Variants in CFTR observed in about 807,000 individuals in gnomAD.
CFTR encodes the protein cystic fibrosis transmembrane conductance regulator.
Under a neutral mutation model 171.6 loss-of-function variants are expected in CFTR, and 181 were observed. The ratio of observed to expected loss-of-function variants is 1.05; its 90% CI spans 0.93 to 1.19. The LOEUF is 1.19. CFTR is among the 50% of genes most tolerant of loss of function. CFTR has a pLI of 0.00. For synonymous variants in CFTR, 583 were observed against 608.0 expected (o/e 0.96, Z 0.60); for missense variants, 1,968 against 1,734.7 (o/e 1.13, Z -2.39).
intron 15 of CFTR, among the ~76,000 whole-genome samples, chr7:117,598,690 A>G (rs1418235055): frequency 6.6e-6 from 1 of 152,214 alleles, no homozygotes; most frequent in African/African-American, 2.4e-5. Flanking sequence ...AACCAAATGG[A>G]GGCTTGATGC....
intron 2 of CFTR, among the ~76,000 whole-genome samples, chr7:117,507,823 G>A (rs1294952129): frequency 1.3e-5 from 2 of 152,128 alleles, no homozygotes; most frequent in Non-Finnish European, 2.9e-5. Flanking sequence ...ACAGAGTCTC[G>A]CTGTGTCACC....
At chr7:117,565,185 T>C (rs1159587041) in intron 11 of CFTR, among the ~76,000 whole-genome samples, 2 of 152,230 alleles carry the variant, frequency 1.3e-5, no homozygotes, top group Non-Finnish European at 2.9e-5. Context: ...ATCTCCTAAA[T>C]ATTTGTAGCT....
At chr7:117,501,747 C>CAAAAAAAAAAAAAAAAAAAAAAAAGAAAA (rs1798331213) in intron 1 of CFTR, among the ~76,000 whole-genome samples, 1 of 43,900 alleles carries the variant, frequency 2.3e-5, no homozygotes, top group Non-Finnish European at 4.8e-5. Flanking sequence ...AACTCTGTCT[C>CAAAAAAAAAAAAAAAAAAAAAAAAGAAAA]AAAAAAAAAA....
chr7:117,642,429 A>T lies in CFTR; in HGVS notation c.3718-9A>T, dbSNP rs754017400. On this transcript the variant is annotated splice_polypyrimidine_tract_variant and intron_variant, in intron 22 of 26. Transcript: ENST00000003084. ...TCACAGAAGTGATCCCATCACTTTT[A>T]CCTTATAGGTGGGCCTCTTGGGAAG... 3 of 1,612,722 alleles carry T rather than the reference A, an allele frequency of 1.9e-6. No homozygotes were observed. The Admixed American group carries it at 5.0e-5, about 27-fold the overall frequency.
Position 117,540,268 on chromosome 7 carries a change from G to C in CFTR, c.1038G>C (p.Leu346=). Residue 346 remains leucine (L), a synonymous_variant, in exon 8 of 27, where the codon CTG becomes CTC. Transcript: ENST00000003084. ...IFTTISFCIV[L]RMAVTRQFPW... is the part of the protein sequence containing the mutation. ...CCACCATCTCATTCTGCATTGTTCTGCGCATGGCGGTCACTCGGCAATTTC... is the reference window on the plus strand; with the variant it reads ...CCACCATCTCATTCTGCATTGTTCTCCGCATGGCGGTCACTCGGCAATTTC... 6.2e-7 allele frequency: 1 copy of C among 1,614,010 alleles called. No homozygotes were observed. The highest frequency in any genetic ancestry group is 8.5e-7 in the Non-Finnish European group (1 of 1,179,928).
At chr7:117,539,591 T>C (rs561929433) in intron 7 of CFTR, among the ~76,000 whole-genome samples, 25 of 152,232 alleles carry the variant, frequency 1.6e-4, no homozygotes, top group African/African-American at 6.0e-4. Context: ...ATTTTCAATG[T>C]TCCTCAAAGC....
chr7:117,553,769 G>A (rs1212685690), intron 10 of CFTR, among the ~76,000 whole-genome samples: 1 of 152,122 alleles, frequency 6.6e-6, no homozygotes, highest in Non-Finnish European at 1.5e-5. Context: ...ACAAAGGATT[G>A]AATAGATATC....
chr7:117,612,023 GTATATATATATATATATATATATA>G (rs772661286), intron 20 of CFTR, among the ~76,000 whole-genome samples: 2 of 53,228 alleles, frequency 3.8e-5, no homozygotes, highest in South Asian at 5.9e-4. Flanking sequence ...ATATATATAT[GTATATATATATATATATATATATA>G]TATATACATA....
chr7:117,532,844 G>C (rs767534986), intron 4 of CFTR, among the ~76,000 whole-genome samples: 1 of 152,050 alleles, frequency 6.6e-6, no homozygotes, highest in African/African-American at 2.4e-5. Context: ...TCCCATCTCC[G>C]TGTGGCTTTG....
At chr7:117,599,879 T>C (rs1378744221) in intron 15 of CFTR, among the ~76,000 whole-genome samples, 1 of 152,106 alleles carries the variant, frequency 6.6e-6, no homozygotes, top group African/African-American at 2.4e-5. Flanking sequence ...TGTCACATTC[T>C]GGTACAACTG....
intron 11 of CFTR, 63 bp from the exon 12 acceptor site, chr7:117,587,676 G>T (rs558743244): frequency 2.1e-6 from 2 of 934,562 alleles, no homozygotes; most frequent in African/African-American, 3.2e-5. Context: ...AGGAAGATGT[G>T]CCTTTCAAAT....
In CFTR at chr7:117,535,342, G is replaced by A. The variant is rs866473559; in HGVS notation, c.674G>A (p.Cys225Tyr). ...IWELLQASAFCGLGFLIVLAL... is the reference protein window; with the variant it reads ...IWELLQASAFYGLGFLIVLAL... ...GAGTTGTTACAGGCGTCTGCCTTCT[G>A]TGGACTTGGTTTCCTGATAGTCCTT... The change falls in exon 6 of 27, where the codon TGT becomes TAT. Residue 225 changes from cysteine to tyrosine, a missense_variant. Transcript: ENST00000003084. 2.5e-6 allele frequency: 4 copies of A among 1,614,014 alleles called. No homozygotes were observed. Among genetic ancestry groups the A allele is most frequent in the Middle Eastern group, 1.6e-4 (1 of 6,084 alleles).
At chr7:117,658,462 T>TG (rs1287973387) in intron 24 of CFTR, among the ~76,000 whole-genome samples, 1 of 152,316 alleles carries the variant, frequency 6.6e-6, no homozygotes, top group East Asian at 1.9e-4. Context: ...TTAGTTTCCC[T>TG]GGGAAATTTC....
In CFTR at chr7:117,536,626, A is replaced by G. The variant is rs2116678695; in HGVS notation, c.822A>G (p.Ala274=). 1.2e-6 allele frequency: 2 copies of G among 1,611,838 alleles called. No individual in the cohort carries two copies. The highest frequency in any genetic ancestry group is 1.1e-5 in the South Asian group (1 of 90,966). ...EMIENIQSVK[A]YCWEEAMEKM... is the part of the protein sequence containing the mutation. The stretch of plus-strand genomic sequence containing the variant: ...TTGAAAATATCCAATCTGTTAAGGC[A>G]TACTGCTGGGAAGAAGCAATGGAAA... The change falls in exon 7 of 27, where the codon GCA becomes GCG. Residue 274 remains alanine, a synonymous_variant. Transcript: ENST00000003084.
At chr7:117,492,795 G>T (rs566311085) in intron 1 of CFTR, among the ~76,000 whole-genome samples, 2 of 152,090 alleles carry the variant, frequency 1.3e-5, no homozygotes, top group South Asian at 4.1e-4. Context: ...ATAGAATAGA[G>T]CACACCATGG....
intron 15 of CFTR, among the ~76,000 whole-genome samples, chr7:117,596,661 T>G (rs892753600): frequency 1.1e-4 from 17 of 152,358 alleles, no homozygotes; most frequent in Middle Eastern, 6.8e-3. Flanking sequence ...GCTCAAGGTT[T>G]GTAAACACAC....
intron 4 of CFTR, 48 bp downstream of exon 4, chr7:117,531,162 A>T (rs1025401020): frequency 7.0e-7 from 1 of 1,427,128 alleles, no homozygotes; most frequent in South Asian, 1.2e-5. Flanking sequence ...TCTGTATCGT[A>T]CATGTTTTAA....
chr7:117,668,561 G>A lies in CFTR; in HGVS notation c.*1453G>A, dbSNP rs554885039. 2 of 152,702 alleles carry A rather than the reference G, an allele frequency of 1.3e-5. No individual in the cohort carries two copies. The highest frequency in any genetic ancestry group is 4.1e-4 in the South Asian group (2 of 4,830). The allele number at this position is 152,702 out of a possible 1,614,324, so 9.5% of individuals were successfully genotyped here. A position where few individuals can be genotyped will look rare whatever the true frequency, so the allele number is the denominator to read the frequency against. On this transcript the variant is annotated 3_prime_UTR_variant, in exon 27 of 27. Transcript: ENST00000003084. Reference sequence around the variant, plus strand: ...ACCAGTCTGACTGTTTCCATCAAGGGTACACTGCCTTCTCAACTCCAAACT... The same window carrying A: ...ACCAGTCTGACTGTTTCCATCAAGGATACACTGCCTTCTCAACTCCAAACT...
chr7:117,493,958 ATGAAGG>A (rs986198616), intron 1 of CFTR, among the ~76,000 whole-genome samples: 1 of 152,148 alleles, frequency 6.6e-6, no homozygotes, highest in African/African-American at 2.4e-5. Flanking sequence ...ACATAAACAA[ATGAAGG>A]TGAAGGGAAG....
Sources: allele counts gnomAD v4.1 joint callset (sites outside exome capture counted in the v4.1 genomes callset), GRCh38; gene constraint gnomAD v4.1.1; transcripts MANE v1.5; gene names NCBI Gene and HGNC (gene_info 2026-07-23, HGNC 2026-07-21).